The following GRM4 variants were observed in gnomAD, a reference collection of about 807,000 sequenced individuals.
GRM4 encodes the protein metabotropic glutamate receptor 4.
A neutral mutation model predicts 81.7 loss-of-function variants in GRM4; 28 were observed. That is an observed-to-expected ratio of 0.34 (90% CI 0.25 to 0.47). The LOEUF is 0.47. Ranked by LOEUF, GRM4 falls within the 20% of genes least tolerant of loss-of-function variation. GRM4 has a pLI of 1.00. For synonymous variants in GRM4, 488 were observed against 528.8 expected (o/e 0.92, Z 1.06); for missense variants, 948 against 1,290.0 (o/e 0.73, Z 4.06).
intron 3 of GRM4, among the ~76,000 whole-genome samples, chr6:34,075,749 A>G (rs1767278643): frequency 6.6e-6 from 1 of 152,252 alleles, no homozygotes; most frequent in African/African-American, 2.4e-5. Context: ...AGTTCCTGGC[A>G]CATTAGTGCT....
At chr6:34,113,727 G>A (rs1769479173) in intron 2 of GRM4, among the ~76,000 whole-genome samples, 1 of 152,182 alleles carries the variant, frequency 6.6e-6, no homozygotes, top group Non-Finnish European at 1.5e-5. Context: ...AGGAGTGGGG[G>A]AGCAGGGTGC....
intron 6 of GRM4, among the ~76,000 whole-genome samples, chr6:34,049,050 C>T (rs909437589): frequency 5.3e-5 from 8 of 152,142 alleles, no homozygotes; most frequent in Non-Finnish European, 1.2e-4. Context: ...CAAATCCCCT[C>T]TCTTGACCCA....
At chr6:34,101,680 G>A (rs762126402) in intron 2 of GRM4, among the ~76,000 whole-genome samples, 5 of 152,230 alleles carry the variant, frequency 3.3e-5, no homozygotes, top group South Asian at 2.1e-4. Flanking sequence ...TGGCCCACTC[G>A]TCTCCAACAC....
chr6:34,034,876 T>C lies in GRM4; in HGVS notation c.2442+792A>G, dbSNP rs1378617744. ...AGTACTTCCAGATAACACCCCCGAG[T>C]CACCCAGCCAGCACCAGGACTGGGA... On this transcript the variant is annotated intron_variant, in intron 9 of 10. Coordinates refer to ENST00000538487, the MANE Select transcript of GRM4 (RefSeq NM_000841.4). This position sits in a 1 kb window ranked among gnomAD's most constrained non-coding sequence, Gnocchi z 4.0. Among the ~76,000 whole-genome samples the C allele has an allele frequency of 6.6e-6, 1 of 152,070 alleles. No homozygotes were observed. Among genetic ancestry groups the C allele is most frequent in the Non-Finnish European group, 1.5e-5 (1 of 68,016 alleles).
intron 3 of GRM4, among the ~76,000 whole-genome samples, chr6:34,082,208 AAAC>A (rs1767640218): frequency 6.6e-6 from 1 of 152,252 alleles, no homozygotes; most frequent in Admixed American, 6.5e-5. Context: ...GAGGAGAAAG[AAAC>A]AACAGAAGAA....
chr6:34,056,834 G>C, intron 5 of GRM4, 150 bp from the exon 6 acceptor site: 1 of 870,366 alleles, frequency 1.1e-6, no homozygotes, highest in Non-Finnish European at 1.7e-6. Context: ...AACAAAATGT[G>C]GAGCATTTCG....
intron 2 of GRM4, among the ~76,000 whole-genome samples, chr6:34,128,201 GC>G (rs1165020058): frequency 6.6e-6 from 1 of 152,188 alleles, no homozygotes. Flanking sequence ...TCCGGGATCA[GC>G]CTTAAAGGTC....
At chr6:34,055,649 C>T (rs1476245715) in intron 6 of GRM4, 2 of 152,234 alleles carry the variant, frequency 1.3e-5, no homozygotes, top group East Asian at 3.8e-4. Context: ...GCCGCAGAGC[C>T]ACCCAGACCC....
rs1764619995 is a variant in GRM4, at chr6:34,035,097, T to C, written c.2442+571A>G. ...CCATGGGGATCTTGTGAGGGGTAGATGGAGGAGGGAGAAGAGAGGAGTGAA... is the reference window on the plus strand; with the variant it reads ...CCATGGGGATCTTGTGAGGGGTAGACGGAGGAGGGAGAAGAGAGGAGTGAA... On this transcript the variant is annotated intron_variant, in intron 9 of 10. Transcript: ENST00000538487. The surrounding 1 kb of genome is among the most constrained non-coding windows in gnomAD (Gnocchi z 6.6). Among the ~76,000 whole-genome samples the C allele has an allele frequency of 1.3e-5, 2 of 151,022 alleles. No individual in the cohort carries two copies. The highest frequency in any genetic ancestry group is 6.6e-5 in the Admixed American group (1 of 15,184).
At chr6:34,056,437 G>GC (rs1561778510) in intron 6 of GRM4, 107 bp downstream of exon 6, 2 of 1,047,476 alleles carry the variant, frequency 1.9e-6, no homozygotes, top group Non-Finnish European at 2.7e-6. Context: ...TCCTGCCACG[G>GC]CCGGCCGACG....
chr6:34,046,662 G>C (rs2127452574), intron 6 of GRM4, among the ~76,000 whole-genome samples: 1 of 152,332 alleles, frequency 6.6e-6, no homozygotes, highest in Non-Finnish European at 1.5e-5. Context: ...AGCCCCATTG[G>C]TGCACACAGG....
chr6:34,139,428 T>C (rs1213016892), intron 1 of GRM4, among the ~76,000 whole-genome samples: 1 of 152,218 alleles, frequency 6.6e-6, no homozygotes, highest in Non-Finnish European at 1.5e-5. Context: ...TGCCCCTGCC[T>C]TCCCCCAACC....
intron 3 of GRM4, among the ~76,000 whole-genome samples, chr6:34,082,472 G>A (rs1030274987): frequency 1.3e-5 from 2 of 152,134 alleles, no homozygotes; most frequent in African/African-American, 4.8e-5. Flanking sequence ...GTGAAGACCT[G>A]TGTTGTGGGG....
At chr6:34,024,373 C>T in intron 10 of GRM4, 1 of 258,312 alleles carries the variant, frequency 3.9e-6, no homozygotes, top group Non-Finnish European at 7.8e-6. Context: ...CTTCAGGGAG[C>T]CAATGGAGCA....
Position 34,082,094 on chromosome 6 carries a change from GCGGGACAGA to G in GRM4, c.736+9780_736+9788del, listed in dbSNP as rs1232189031. On this transcript the variant is annotated intron_variant, in intron 3 of 10. Transcript: ENST00000538487. ...ACAGATCCCTGTCCAGTGGGAGCCT[GCGGGACAGA>G]TCCCTGTCCAGTGGGAGCCTGCGGG... Among the ~76,000 whole-genome samples, 304 of 149,820 alleles carry G rather than the reference GCGGGACAGA, an allele frequency of 2.0e-3. 1 individual carries two copies. The highest frequency in any genetic ancestry group is 3.5e-3 in the Non-Finnish European group (232 of 67,238).
chr6:34,037,383 C>T (rs571756748), intron 8 of GRM4, among the ~76,000 whole-genome samples: 1 of 152,300 alleles, frequency 6.6e-6, no homozygotes, highest in East Asian at 1.9e-4. Context: ...GAGTCTCAGG[C>T]ATCAGGCAAA....
intron 1 of GRM4, among the ~76,000 whole-genome samples, chr6:34,145,272 GGAT>G (rs970847388): frequency 3.9e-5 from 6 of 151,902 alleles, no homozygotes; most frequent in Admixed American, 3.3e-4. Flanking sequence ...GACGCAGCAG[GGAT>G]GAGCTGGCGG....
At chr6:34,104,100 G>A (rs1040720056) in intron 2 of GRM4, among the ~76,000 whole-genome samples, 6 of 152,256 alleles carry the variant, frequency 3.9e-5, no homozygotes, top group African/African-American at 1.4e-4. Flanking sequence ...CCACCCAATG[G>A]CAAGCCAGGC....
chr6:34,024,599 G>A (rs1764042205), intron 10 of GRM4: 2 of 452,478 alleles, frequency 4.4e-6, no homozygotes, highest in South Asian at 3.1e-5. Context: ...GATGGGGTGA[G>A]CAGAGGGGTC....
Sources: allele counts gnomAD v4.1 joint callset (sites outside exome capture counted in the v4.1 genomes callset), GRCh38; gene constraint gnomAD v4.1.1; non-coding constraint Gnocchi (gnomAD v3.1); transcripts MANE v1.5; gene names NCBI Gene and HGNC (gene_info 2026-07-23, HGNC 2026-07-21).